FIGN: variants seen among roughly 807,000 people sequenced by gnomAD.
FIGN encodes fidgetin.
FIGN carries 11 observed loss-of-function variants against 51.3 expected under a neutral mutation model. The ratio of observed to expected loss-of-function variants is 0.21; its 90% confidence interval spans 0.13 to 0.35. The LOEUF (loss-of-function observed/expected upper bound fraction) is 0.35, where lower values mean the gene tolerates loss of function less well. Ranked by LOEUF, FIGN falls within the 10% of genes least tolerant of loss-of-function variation. The pLI is 1.00. For synonymous variants in FIGN, 407 were observed against 363.2 expected (o/e 1.12, Z -1.37); for missense variants, 857 against 943.6 (o/e 0.91, Z 1.20).
chr2:163,621,172 C>T (rs939741178), intron 2 of FIGN, among the ~76,000 whole-genome samples: 7 of 152,120 alleles, frequency 4.6e-5, no homozygotes, highest in African/African-American at 1.7e-4. Context: ...ATGTTATTCA[C>T]ATGTTGAGGG....
At chr2:163,634,901 T>C (rs1264014047) in intron 2 of FIGN, among the ~76,000 whole-genome samples, 1 of 152,238 alleles carries the variant, frequency 6.6e-6, no homozygotes, top group African/African-American at 2.4e-5. Flanking sequence ...TTTCATTTTA[T>C]GTTCCCAGTA....
chr2:163,726,260 G>C (rs1684836917), intron 2 of FIGN, among the ~76,000 whole-genome samples: 1 of 151,980 alleles, frequency 6.6e-6, no homozygotes, highest in African/African-American at 2.4e-5. Context: ...TTAATCTTCT[G>C]AATAATGCAA....
At chr2:163,716,941 T>G (rs964241732) in intron 2 of FIGN, among the ~76,000 whole-genome samples, 19 of 152,208 alleles carry the variant, frequency 1.2e-4, no homozygotes, top group Non-Finnish European at 1.2e-4. Context: ...TTTTTCCAAG[T>G]TATCCAGTAC....
chr2:163,713,429 C>G (rs1331791733), intron 2 of FIGN, among the ~76,000 whole-genome samples: 12 of 151,686 alleles, frequency 7.9e-5, no homozygotes, highest in Admixed American at 5.9e-4. Flanking sequence ...CATACACACA[C>G]AGATGTCTCT....
At chr2:163,619,921 G>A (rs1292473002) in intron 2 of FIGN, among the ~76,000 whole-genome samples, 1 of 152,028 alleles carries the variant, frequency 6.6e-6, no homozygotes, top group Non-Finnish European at 1.5e-5. Flanking sequence ...GTGGGGGTAG[G>A]GGGTAGGTTT....
chr2:163,615,785 GGTACA>G (rs1682866038), intron 2 of FIGN, among the ~76,000 whole-genome samples: 1 of 152,026 alleles, frequency 6.6e-6, no homozygotes, highest in Non-Finnish European at 1.5e-5. Context: ...AGTTTAAATA[GGTACA>G]GTAAAAATTC....
intron 2 of FIGN, among the ~76,000 whole-genome samples, chr2:163,713,981 A>G (rs1330154275): frequency 6.6e-6 from 1 of 152,194 alleles, no homozygotes; most frequent in East Asian, 1.9e-4. Context: ...CTGCTGCTGC[A>G]GCAAACAAGC....
chr2:163,693,019 C>T (rs959670984), intron 2 of FIGN, among the ~76,000 whole-genome samples: 4 of 152,218 alleles, frequency 2.6e-5, no homozygotes, highest in African/African-American at 9.6e-5. Flanking sequence ...GCAACTTCAG[C>T]ATCTTCCCAT....
chr2:163,732,533 A>C (rs1184750920), intron 2 of FIGN, among the ~76,000 whole-genome samples: 2 of 152,190 alleles, frequency 1.3e-5, no homozygotes. Flanking sequence ...CGTCCATTCC[A>C]TGTGCACCAA....
In FIGN at chr2:163,605,353, G is replaced by T. The variant is rs1691084585; in HGVS notation, c.*4199C>A. The T allele has an allele frequency of 6.6e-6, 1 of 152,030 alleles. No homozygotes were observed. Among genetic ancestry groups the T allele is most frequent in the African/African-American group, 2.4e-5 (1 of 41,432 alleles). The allele number at this position is 152,030 out of a possible 1,614,324, so 9.4% of individuals were successfully genotyped here. On this transcript the variant is annotated 3_prime_UTR_variant, in exon 3 of 3. Coordinates refer to ENST00000333129, the MANE Select transcript of FIGN (RefSeq NM_018086.4). ...GTGTTGGTTAGTCACAAGTACAGCTGGTTGTGAATTCTGAAATACTAATAG... is the reference window on the plus strand; with the variant it reads ...GTGTTGGTTAGTCACAAGTACAGCTTGTTGTGAATTCTGAAATACTAATAG...
chr2:163,644,076 C>A (rs1683347712), intron 2 of FIGN, among the ~76,000 whole-genome samples: 2 of 151,096 alleles, frequency 1.3e-5, no homozygotes, highest in Middle Eastern at 3.2e-3. Context: ...AGCATGAGCA[C>A]CAAAAGAAAA....
At chr2:163,724,812 T>C (rs964958129) in intron 2 of FIGN, among the ~76,000 whole-genome samples, 3 of 152,146 alleles carry the variant, frequency 2.0e-5, no homozygotes, top group Non-Finnish European at 4.4e-5. Context: ...TAAAGGCATA[T>C]ATATATGTTT....
In FIGN at chr2:163,666,915, T is replaced by C. The variant is rs1228076074; in HGVS notation, c.26-55109A>G. Among the ~76,000 whole-genome samples, 3 of 147,018 alleles carry C rather than the reference T, an allele frequency of 2.0e-5. 1 individual carries two copies. The highest frequency in any genetic ancestry group is 2.0e-4 in the Admixed American group (3 of 14,966). On this transcript the variant is annotated intron_variant, in intron 2 of 2. Coordinates refer to ENST00000333129, the MANE Select transcript of FIGN (RefSeq NM_018086.4). The stretch of plus-strand genomic sequence containing the variant: ...ACCAAATTCACTAAAAAAAAAAAAA[T>C]TGAGACTCATGCACAATGGCTATAT...
Position 163,607,792 on chromosome 2 carries a change from T to A in FIGN, c.*1760A>T, listed in dbSNP as rs536789073. ...AAGGCCAGGCTGTTCTGCTTATGCA[T>A]GGGCAGTGGCTGTGGAAAGCTACAG... On this transcript the variant is annotated 3_prime_UTR_variant, in exon 3 of 3. Coordinates refer to ENST00000333129, the MANE Select transcript of FIGN (RefSeq NM_018086.4). 3 of 152,772 alleles carry A rather than the reference T, an allele frequency of 2.0e-5. No individual in the cohort carries two copies. The highest frequency in any genetic ancestry group is 7.2e-5 in the African/African-American group (3 of 41,580). 9.5% of individuals were successfully genotyped at this position (152,772 alleles called of 1,614,324 possible). A position where few individuals can be genotyped will look rare whatever the true frequency, so the allele number is the denominator to read the frequency against.
intron 2 of FIGN, among the ~76,000 whole-genome samples, chr2:163,702,308 T>TA (rs1684420997): frequency 6.6e-6 from 1 of 152,140 alleles, no homozygotes; most frequent in Admixed American, 6.6e-5. Flanking sequence ...CTGCAGCTGA[T>TA]AAGATATAAA....
chr2:163,635,730 G>T (rs1207144627), intron 2 of FIGN, among the ~76,000 whole-genome samples: 2 of 152,078 alleles, frequency 1.3e-5, no homozygotes, highest in African/African-American at 4.8e-5. Context: ...AATGATATTT[G>T]ATATCTAATG....
chr2:163,612,506 G>A (rs971350354), intron 2 of FIGN: 3 of 984,988 alleles, frequency 3.0e-6, no homozygotes, highest in African/African-American at 3.5e-5. Flanking sequence ...GCGCTCCATC[G>A]CTTTCATCGC....
intron 2 of FIGN, among the ~76,000 whole-genome samples, chr2:163,720,379 T>C (rs1684738307): frequency 6.6e-6 from 1 of 152,124 alleles, no homozygotes; most frequent in Non-Finnish European, 1.5e-5. Flanking sequence ...ATGAAAACAA[T>C]TGTATCATGA....
chr2:163,611,179 C>T lies in FIGN; in HGVS notation c.653G>A (p.Gly218Glu), dbSNP rs1360727143. 3 of 1,613,866 alleles carry T rather than the reference C, an allele frequency of 1.9e-6. No homozygotes were observed. In the South Asian group the frequency reaches 3.3e-5, roughly 18 times the overall value. ...SPHPSPLHSS[G>E]LLQPPPPPPP... The stretch of plus-strand genomic sequence containing the variant: ...AGGTGGTGGTGGGGGCTGTAGTAGC[C>T]CAGAGCTATGCAAAGGAGACGGATG... The change falls in exon 3 of 3, where the codon GGG (glycine) becomes GAG (glutamate). Residue 218 changes from glycine to glutamate, a missense_variant. Coordinates refer to ENST00000333129, the MANE Select transcript of FIGN (RefSeq NM_018086.4).
Sources: gnomAD v4.1 joint callset for allele counts (sites outside exome capture counted in the v4.1 genomes callset) on GRCh38, gnomAD v4.1.1 for gene constraint, MANE v1.5 for transcripts, NCBI Gene and HGNC (gene_info 2026-07-23, HGNC 2026-07-21) for gene names.